RBBP8: variants seen among roughly 807,000 people sequenced by gnomAD.
RBBP8 encodes the protein RB binding protein 8, endonuclease.
In RBBP8, 88 loss-of-function variants were observed where a neutral mutation model predicts 108.3. The ratio of observed to expected loss-of-function variants is 0.81; its 90% confidence interval spans 0.68 to 0.97. The LOEUF (loss-of-function observed/expected upper bound fraction) is 0.97, where lower values mean the gene tolerates loss of function less well. Among genes scored for constraint, RBBP8 ranks in the 50% least tolerant of loss-of-function variants. The pLI is 0.00. For missense variants in RBBP8, 1,023 were observed against 1,049.0 expected (o/e 0.98, Z 0.34); for synonymous variants, 332 against 348.2 (o/e 0.95, Z 0.52).
chr18:22,946,691 G>A (rs919349735), intron 3 of RBBP8, among the ~76,000 whole-genome samples: 1 of 151,390 alleles, frequency 6.6e-6, no homozygotes, highest in Non-Finnish European at 1.5e-5. Context: ...GAATAATTTT[G>A]CAATTTTAAG....
At chr18:22,999,564 C>T (rs1258100097) in intron 14 of RBBP8, among the ~76,000 whole-genome samples, 1 of 151,966 alleles carries the variant, frequency 6.6e-6, no homozygotes, top group African/African-American at 2.4e-5. Context: ...TGAACAGGCC[C>T]TCAGTGACAC....
chr18:22,966,467 G>C (rs1315364052), intron 4 of RBBP8, among the ~76,000 whole-genome samples: 1 of 151,344 alleles, frequency 6.6e-6, no homozygotes, highest in Non-Finnish European at 1.5e-5. Context: ...GGCCAGGCAC[G>C]GTAACTCATG....
At chr18:22,932,226 C>T (rs893137645), upstream of RBBP8, among the ~76,000 whole-genome samples, 1 of 152,208 alleles carries the variant, frequency 6.6e-6, no homozygotes, top group African/African-American at 2.4e-5. Flanking sequence ...GACCACAGCA[C>T]ACTGCTCTTT....
Position 22,993,154 on chromosome 18 carries a change from C to T in RBBP8, c.1327C>T (p.Arg443Ter). Residue 443 changes from arginine to a stop codon, truncating the protein, a stop_gained, in exon 11 of 19, where the codon CGA (arginine) becomes TGA (stop). Transcript: ENST00000327155. LOFTEE classifies it high-confidence loss of function. ...GGAGCCCCTGAAATCATTGGGAGGC[C>T]GAACATCCAAAAGGAAGAAAACTGA... The part of the protein sequence containing the change: ...HLEPLKSLGG[R>*]TSKRKKTEEE... 6 of 1,613,980 alleles carry T rather than the reference C, an allele frequency of 3.7e-6. No individual in the cohort carries two copies. The highest frequency in any genetic ancestry group is 4.2e-6 in the Non-Finnish European group (5 of 1,179,930).
At chr18:22,989,463 A>C in intron 9 of RBBP8, 145 bp downstream of exon 9, 1 of 607,942 alleles carries the variant, frequency 1.6e-6, no homozygotes, top group Non-Finnish European at 3.0e-6. Flanking sequence ...AGAAAGTCCT[A>C]TTTCTGTTGT....
intron 4 of RBBP8, among the ~76,000 whole-genome samples, chr18:22,960,960 G>A (rs1913050838): frequency 1.3e-5 from 2 of 152,172 alleles, no homozygotes; most frequent in African/African-American, 4.8e-5. Context: ...ACTGATACAA[G>A]TATGTTTATT....
chr18:22,999,612 G>A (rs2045913789), intron 14 of RBBP8, among the ~76,000 whole-genome samples: 2 of 151,110 alleles, frequency 1.3e-5, no homozygotes, highest in South Asian at 2.1e-4. Context: ...TGTAAGAACC[G>A]CACATGGAAT....
chr18:22,940,594 A>G (rs909022835), intron 2 of RBBP8, among the ~76,000 whole-genome samples: 2 of 152,024 alleles, frequency 1.3e-5, no homozygotes, highest in Non-Finnish European at 2.9e-5. Flanking sequence ...TGCTGGGATT[A>G]CAGGCGTGAG....
chr18:22,939,538 G>C (rs1386342660), intron 2 of RBBP8, among the ~76,000 whole-genome samples: 3 of 151,674 alleles, frequency 2.0e-5, no homozygotes, highest in African/African-American at 7.3e-5. Context: ...AAAAAAAAAA[G>C]AACTTTCCCA....
intron 5 of RBBP8, among the ~76,000 whole-genome samples, chr18:22,972,725 T>C (rs1914207576): frequency 1.3e-5 from 2 of 152,356 alleles, no homozygotes; most frequent in Middle Eastern, 3.4e-3. Flanking sequence ...AGCACTTAAC[T>C]TTGATGATCT....
intron 3 of RBBP8, among the ~76,000 whole-genome samples, chr18:22,947,458 T>G (rs1223449270): frequency 6.6e-6 from 1 of 151,990 alleles, no homozygotes; most frequent in African/African-American, 2.4e-5. Flanking sequence ...ACAGGAAGGT[T>G]TGTTATCTAT....
upstream of RBBP8, among the ~76,000 whole-genome samples, chr18:22,929,194 G>A (rs1909902421): frequency 6.6e-6 from 1 of 152,142 alleles, no homozygotes; most frequent in South Asian, 2.1e-4. Flanking sequence ...GCAGAATATA[G>A]TGCCTGACTC....
chr18:23,005,933 TCC>T (rs1402228830), intron 15 of RBBP8, among the ~76,000 whole-genome samples: 1 of 151,650 alleles, frequency 6.6e-6, no homozygotes, highest in East Asian at 2.0e-4. Context: ...ACGCCTGTAA[TCC>T]CAGCACTTTG....
At chr18:22,915,429 T>C (rs1445097296) in exon 2 of RBBP8, 2 of 152,216 alleles carry the variant, frequency 1.3e-5, no homozygotes, top group African/African-American at 4.8e-5. Flanking sequence ...GGGAAAACCC[T>C]TGGATGCTTC....
At chr18:23,006,187 G>GAA (rs774964524) in intron 15 of RBBP8, among the ~76,000 whole-genome samples, 176 bp from the exon 16 acceptor site, 2 of 137,272 alleles carry the variant, frequency 1.5e-5, no homozygotes, top group African/African-American at 2.7e-5. Flanking sequence ...CACCGGCTCA[G>GAA]AAAAAAAAAA....
At chr18:22,962,173 C>G (rs1913160604) in intron 4 of RBBP8, among the ~76,000 whole-genome samples, 2 of 152,250 alleles carry the variant, frequency 1.3e-5, no homozygotes, top group South Asian at 4.1e-4. Context: ...AAATCTCTTT[C>G]ACATGATTAA....
chr18:22,962,121 G>C (rs367869237), intron 4 of RBBP8, among the ~76,000 whole-genome samples: 42 of 152,236 alleles, frequency 2.8e-4, no homozygotes, highest in African/African-American at 8.9e-4. Context: ...TATATCTGTA[G>C]AATTGCTGCC....
intron 3 of RBBP8, among the ~76,000 whole-genome samples, chr18:22,949,202 G>C (rs984005903): frequency 6.6e-6 from 1 of 152,084 alleles, no homozygotes; most frequent in Non-Finnish European, 1.5e-5. Flanking sequence ...TAGGGTTCCC[G>C]TTCGTCCACT....
At chr18:22,986,532 A>G (rs1036604006) in intron 8 of RBBP8, among the ~76,000 whole-genome samples, 3 of 152,202 alleles carry the variant, frequency 2.0e-5, no homozygotes, top group Admixed American at 2.0e-4. Context: ...ACAGTGGCTA[A>G]AGAAGAACAT....
Sources: allele counts gnomAD v4.1 joint callset (sites outside exome capture counted in the v4.1 genomes callset), GRCh38; gene constraint gnomAD v4.1.1; transcripts MANE v1.5; gene names NCBI Gene and HGNC (gene_info 2026-07-23, HGNC 2026-07-21).